The following TMEM176A variants were observed in gnomAD, a reference collection of about 807,000 sequenced individuals.
The protein encoded by TMEM176A is hepatocellular carcinoma-associated antigen 112.
TMEM176A carries 20 observed loss-of-function variants against 27.9 expected under a neutral mutation model. That is an observed-to-expected ratio of 0.72 (90% CI 0.50 to 1.04). The LOEUF (loss-of-function observed/expected upper bound fraction) is 1.04. TMEM176A is among the 50% of genes least tolerant of loss of function. The pLI is 0.00. For missense variants in TMEM176A, 252 were observed against 289.1 expected, an observed-to-expected ratio of 0.87 and a Z score of 0.93; for synonymous variants, 125 against 118.0, an observed-to-expected ratio of 1.06 and a Z score of -0.38.
Position 150,801,604 on chromosome 7 carries a change from C to T in TMEM176A, c.54C>T (p.His18=), listed in dbSNP as rs1412611150. ...CCCCGGAGGCCCCACAGCACACCCA[C>T]ATCGATGTGCACATCCACCAGGAGT... ...EMAPEAPQHT[H]IDVHIHQESA... is the part of the protein sequence containing the mutation. Residue 18 remains histidine, a synonymous_variant, in exon 2 of 7, where the codon CAC becomes CAT. Coordinates refer to ENST00000004103, the MANE Select transcript of TMEM176A (RefSeq NM_018487.3). The T allele has an allele frequency of 1.2e-6, 2 of 1,613,608 alleles. No homozygotes were observed. The highest frequency in any genetic ancestry group is 1.1e-5 in the South Asian group (1 of 91,084).
At position 150,801,673 on chromosome 7, in the gene TMEM176A, G is replaced by T. The variant is rs1399301146; in HGVS notation, c.123G>T (p.Arg41=). The T allele has an allele frequency of 6.2e-7, 1 of 1,606,988 alleles. No homozygotes were observed. The highest frequency in any genetic ancestry group is 1.1e-5 in the South Asian group (1 of 90,430). ...KLLLTCCSAL[R]PRATQARGSS... is the part of the protein sequence containing the mutation. ...TGCTCACCTGCTGCTCTGCGCTGCG[G>T]CCCCGGGCCACCCAGGCCAGGGGCA... Residue 41 remains arginine (R), a synonymous_variant, in exon 2 of 7, where the codon CGG becomes CGT. Coordinates refer to ENST00000004103, the MANE Select transcript of TMEM176A (RefSeq NM_018487.3).
intron 3 of TMEM176A, 148 bp downstream of exon 3, chr7:150,802,473 A>G (rs1798832220): frequency 1.3e-6 from 1 of 776,130 alleles, no homozygotes; most frequent in Admixed American, 2.4e-5. Flanking sequence ...TCAGATGAGC[A>G]AACAGCTGAG....
At chr7:150,803,328 A>G in intron 3 of TMEM176A, 72 bp from the exon 4 acceptor site, 2 of 1,507,352 alleles carry the variant, frequency 1.3e-6, no homozygotes, top group Non-Finnish European at 1.8e-6. Flanking sequence ...AAGGGCCTGC[A>G]TGGAGGCTCT....
At chr7:150,804,779 G>A (rs201884528) in intron 6 of TMEM176A, 48 bp from the exon 7 acceptor site, 56 of 1,603,982 alleles carry the variant, frequency 3.5e-5, no homozygotes, top group Middle Eastern at 1.7e-4. Context: ...GAGAGACTCC[G>A]CCCTTTCTCT....
intron 3 of TMEM176A, chr7:150,802,858 A>G (rs775039799): frequency 1.0e-6 from 1 of 988,432 alleles, no homozygotes; most frequent in Non-Finnish European, 1.2e-6. Flanking sequence ...AGCCGAGAGT[A>G]ATTACCTTCA....
At chr7:150,800,949 G>C in intron 1 of TMEM176A, 121 bp downstream of exon 1, 33 of 985,872 alleles carry the variant, frequency 3.3e-5, no homozygotes, top group Non-Finnish European at 3.7e-5. Flanking sequence ...CTCCAGGAAG[G>C]GGACTGCAGA....
intron 3 of TMEM176A, chr7:150,802,551 G>A: frequency 1.5e-6 from 1 of 677,026 alleles, no homozygotes; most frequent in Non-Finnish European, 2.3e-6. Flanking sequence ...GTTCCCACCA[G>A]GCTGGCTGCC....
In TMEM176A at chr7:150,801,692, AG is replaced by A. The variant is rs1343075711; in HGVS notation, c.146del (p.Gly49AlafsTer11). On this transcript the variant is annotated frameshift_variant, in exon 2 of 7. Coordinates refer to ENST00000004103, the MANE Select transcript of TMEM176A (RefSeq NM_018487.3). LOFTEE classifies it high-confidence loss of function. ...GCTGCGGCCCCGGGCCACCCAGGCC[AG>A]GGGCAGCAGCCGGCTGCTGGTGGCC... ...SALRPRATQA[R>X]GSSRLLVASW... is the part of the protein sequence containing the mutation. 1.9e-6 allele frequency: 3 copies of A among 1,572,912 alleles called. No homozygotes were observed. The African/African-American group carries it at 4.1e-5, about 22-fold the overall frequency.
At position 150,801,549 on chromosome 7, in the gene TMEM176A, C is replaced by A. The variant is rs1431364523; in HGVS notation, c.-2C>A. ...CCTTCCTCATAGACTGTGTCCCTGA[C>A]AATGGGAACAGCCGACAGTGATGAG... On this transcript the variant is annotated 5_prime_UTR_variant, in exon 2 of 7. Coordinates refer to ENST00000004103, the MANE Select transcript of TMEM176A (RefSeq NM_018487.3). The A allele has an allele frequency of 1.9e-6, 3 of 1,591,208 alleles. No homozygotes were observed. The highest frequency in any genetic ancestry group is 1.4e-5 in the African/African-American group (1 of 73,824).
Position 150,803,678 on chromosome 7 carries a change from A to C in TMEM176A, c.401A>C (p.Lys134Thr). 6.2e-7 allele frequency: 1 copy of C among 1,614,166 alleles called. No individual in the cohort carries two copies. Among genetic ancestry groups the C allele is most frequent in the Non-Finnish European group, 8.5e-7 (1 of 1,180,036 alleles). ...TTCTCCACAGCCATCGCTGCCCTCAAACTTTGGAATGAAGATTTCCGATAT... is the reference window on the plus strand; with the variant it reads ...TTCTCCACAGCCATCGCTGCCCTCACACTTTGGAATGAAGATTTCCGATAT... ...AAFSTAIAAL[K>T]LWNEDFRYGY... Residue 134 changes from lysine (K) to threonine (T), a missense_variant, in exon 5 of 7, where the codon AAA becomes ACA. Coordinates refer to ENST00000004103, the MANE Select transcript of TMEM176A (RefSeq NM_018487.3).
chr7:150,801,562 C>T lies in TMEM176A; in HGVS notation c.12C>T (p.Ala4=), dbSNP rs778458407. Reference sequence around the variant, plus strand: ...CTGTGTCCCTGACAATGGGAACAGCCGACAGTGATGAGATGGCCCCGGAGG... The same window carrying T: ...CTGTGTCCCTGACAATGGGAACAGCTGACAGTGATGAGATGGCCCCGGAGG... MGT[A]DSDEMAPEAP... is the part of the protein sequence containing the mutation. Residue 4 remains alanine, a synonymous_variant, in exon 2 of 7, where the codon GCC becomes GCT. Transcript: ENST00000004103. 12 of 1,602,154 alleles carry T rather than the reference C, an allele frequency of 7.5e-6. No homozygotes were observed. The highest frequency in any genetic ancestry group is 1.3e-5 in the African/African-American group (1 of 74,306).
Position 150,803,390 on chromosome 7 carries a change from C to G in TMEM176A, c.286-10C>G. 10 of 1,561,678 alleles carry G rather than the reference C, an allele frequency of 6.4e-6. No individual in the cohort carries two copies. Among genetic ancestry groups the G allele is most frequent in the Non-Finnish European group, 8.6e-6 (10 of 1,158,316 alleles). ...GTACTAAGCCTGCTCCTGGCTCAATCTCTCCCCAGGCTGTGCTGGCTGGAG... is the reference window on the plus strand; with the variant it reads ...GTACTAAGCCTGCTCCTGGCTCAATGTCTCCCCAGGCTGTGCTGGCTGGAG... On this transcript the variant is annotated splice_polypyrimidine_tract_variant and intron_variant, in intron 3 of 6. Transcript: ENST00000004103.
chr7:150,802,611 C>T (rs1798836903), intron 3 of TMEM176A: 1 of 891,172 alleles, frequency 1.1e-6, no homozygotes, highest in Non-Finnish European at 1.5e-6. Context: ...AGGACCTGCT[C>T]ATCTCCAGAT....
At chr7:150,802,592 A>C in intron 3 of TMEM176A, 1 of 809,766 alleles carries the variant, frequency 1.2e-6, no homozygotes, top group Non-Finnish European at 1.7e-6. Context: ...AATGTCAACT[A>C]AGGATCTAAG....
At chr7:150,802,423 G>A in intron 3 of TMEM176A, 98 bp downstream of exon 3, 2 of 1,091,500 alleles carry the variant, frequency 1.8e-6, no homozygotes, top group Non-Finnish European at 2.7e-6. Flanking sequence ...AATGCTGGCA[G>A]TCGGAGAGAT....
Position 150,804,377 on chromosome 7 carries a change from CT to C in TMEM176A, c.573del (p.Gln192ArgfsTer16), listed in dbSNP as rs777984046. On this transcript the variant is annotated frameshift_variant, in exon 6 of 7. Coordinates refer to ENST00000004103, the MANE Select transcript of TMEM176A (RefSeq NM_018487.3). LOFTEE classifies it high-confidence loss of function. ...CTGTCCCCAGGCCTTGTTCAGAACCCTTCAGGCCATGCTCTTGGGTGTCTGG... is the reference window on the plus strand; with the variant it reads ...CTGTCCCCAGGCCTTGTTCAGAACCCTCAGGCCATGCTCTTGGGTGTCTGG... ...MDMLKALFRT[L>X]QAMLLGVWIL... 2 of 1,614,182 alleles carry C rather than the reference CT, an allele frequency of 1.2e-6. No individual in the cohort carries two copies. Among genetic ancestry groups the C allele is most frequent in the Non-Finnish European group, 1.7e-6 (2 of 1,180,008 alleles).
In TMEM176A at chr7:150,802,223, G is replaced by A; in HGVS notation, c.183G>A (p.Gln61=). Residue 61 remains glutamine, a synonymous_variant, in exon 3 of 7, where the codon CAG becomes CAA. Coordinates refer to ENST00000004103, the MANE Select transcript of TMEM176A (RefSeq NM_018487.3). ...SRLLVASWVM[Q]IVLGILSAVL... is the part of the protein sequence containing the mutation. ...GGTCCTTTGTCTTTCAGGTGATGCA[G>A]ATCGTGCTGGGGATCTTGAGTGCAG... 2.5e-6 allele frequency: 4 copies of A among 1,614,016 alleles called. No homozygotes were observed. Among genetic ancestry groups the A allele is most frequent in the Non-Finnish European group, 3.4e-6 (4 of 1,179,956 alleles).
At chr7:150,804,611 C>A in intron 6 of TMEM176A, 139 bp downstream of exon 6, 1 of 908,854 alleles carries the variant, frequency 1.1e-6, no homozygotes, top group Non-Finnish European at 1.7e-6. Flanking sequence ...TGTCTTTCTA[C>A]CCAGTGGTGG....
chr7:150,803,555 TC>T, intron 4 of TMEM176A, 64 bp from the exon 5 acceptor site: 2 of 1,593,348 alleles, frequency 1.3e-6, no homozygotes, highest in African/African-American at 1.3e-5. Context: ...TGCCCTTTTT[TC>T]CCCCGACTGG....
Sources: allele counts gnomAD v4.1 joint callset, GRCh38; gene constraint gnomAD v4.1.1; transcripts MANE v1.5; gene names NCBI Gene and HGNC (gene_info 2026-07-23, HGNC 2026-07-21).